The following KATNB1 variants were observed in gnomAD, a reference collection of about 807,000 sequenced individuals.
KATNB1 encodes the protein katanin p80 WD40 repeat-containing subunit B1.
Under a neutral mutation model 82.3 loss-of-function variants are expected in KATNB1, and 38 were observed. The ratio of observed to expected loss-of-function variants is 0.46; its 90% CI spans 0.36 to 0.61. The LOEUF is 0.61. Among genes scored for constraint, KATNB1 ranks in the 20% least tolerant of loss-of-function variants. KATNB1 has a pLI of 0.00. For synonymous variants in KATNB1, 361 were observed against 368.7 expected, an observed-to-expected ratio of 0.98 and a Z score of 0.24; for missense variants, 749 against 915.7, an observed-to-expected ratio of 0.82 and a Z score of 2.35.
In KATNB1 at chr16:57,753,520, G is replaced by A; in HGVS notation, c.1177+1G>A. The A allele has an allele frequency of 6.2e-7, 1 of 1,612,818 alleles. No individual in the cohort carries two copies. ...ATCTTCCAGCCCAAGAACAGCATCA[G>A]TGAGGCCGGGCTCCCGCCCCCAGCC... On this transcript the variant is annotated splice_donor_variant, in intron 12 of 19. Transcript: ENST00000379661. LOFTEE classifies it high-confidence loss of function.
In KATNB1 at chr16:57,751,430, C is replaced by A; in HGVS notation, c.432+128C>A. The A allele has an allele frequency of 9.2e-7, 1 of 1,086,754 alleles. No individual in the cohort carries two copies. Among genetic ancestry groups the A allele is most frequent in the Non-Finnish European group, 1.4e-6 (1 of 714,382 alleles). 67.3% of individuals were successfully genotyped at this position (1,086,754 alleles called of 1,614,324 possible). A position where few individuals can be genotyped will look rare whatever the true frequency, so the allele number is the denominator to read the frequency against. On this transcript the variant is annotated intron_variant, in intron 6 of 19. Transcript: ENST00000379661. The surrounding 1 kb of genome is among the most constrained non-coding windows in gnomAD (Gnocchi z 6.3). ...ATGGGTGATAACATAAAACATAGAC[C>A]TGGAGCTGAGCAGGAGCGCCATGGG...
At chr16:57,747,150 G>C (rs2049189412) in intron 4 of KATNB1, among the ~76,000 whole-genome samples, 1 of 152,170 alleles carries the variant, frequency 6.6e-6, no homozygotes, top group African/African-American at 2.4e-5. Flanking sequence ...CCAAAGTGCT[G>C]GGATTACAGG....
At chr16:57,742,248 A>T (rs1377363277) in intron 3 of KATNB1, among the ~76,000 whole-genome samples, 1 of 152,206 alleles carries the variant, frequency 6.6e-6, no homozygotes, top group Admixed American at 6.5e-5. Flanking sequence ...TCATTCCCCA[A>T]TGAGGATTTG....
In KATNB1 at chr16:57,750,881, C is replaced by T. The variant is rs782019928; in HGVS notation, c.344C>T (p.Pro115Leu). 4 of 1,614,152 alleles carry T rather than the reference C, an allele frequency of 2.5e-6. No homozygotes were observed. Among genetic ancestry groups the T allele is most frequent in the South Asian group, 1.1e-5 (1 of 91,090 alleles). The change falls in exon 5 of 20, where the codon CCG (proline) becomes CTG (leucine). Residue 115 changes from proline to leucine, a missense_variant. By Grantham distance (98) the Pro-to-Leu change is moderately conservative. Around this residue, in one of 3 missense-constraint regions of KATNB1, gnomAD observed 247 missense variants for 349.4 expected, o/e 0.71. Coordinates refer to ENST00000379661, the MANE Select transcript of KATNB1 (RefSeq NM_005886.3). ...AACATCTGCAGCCTGGATTTCCACC[C>T]GTACGGCGAGTTTGTAGCCTCTGGT... is the stretch of plus-strand genomic sequence containing the variant. Reference protein sequence around the residue: ...KANICSLDFHPYGEFVASGSQ... With the variant: ...KANICSLDFHLYGEFVASGSQ...
intron 2 of KATNB1, 80 bp from the exon 3 acceptor site, chr16:57,741,607 G>A: frequency 1.3e-6 from 2 of 1,490,566 alleles, no homozygotes; most frequent in Middle Eastern, 1.8e-4. Flanking sequence ...TCCAAAGCGG[G>A]TAGCCGAGCA....
chr16:57,755,297 T>C (rs2049267118), intron 15 of KATNB1, 48 bp from the exon 16 acceptor site: 1 of 1,610,946 alleles, frequency 6.2e-7, no homozygotes, highest in East Asian at 2.2e-5. Context: ...GGCAGAGCTT[T>C]GCTGCTGGCT....
In KATNB1 at chr16:57,751,634, C is replaced by A. The variant is rs1373795408; in HGVS notation, c.433-7C>A. The A allele has an allele frequency of 1.2e-6, 2 of 1,610,458 alleles. No individual in the cohort carries two copies. Among genetic ancestry groups the A allele is most frequent in the Non-Finnish European group, 1.7e-6 (2 of 1,179,872 alleles). ...CCAGGGTGAGCTCATGCCGTGTCCT[C>A]CCTCAGGGGCACAGCCAGGCCGTGC... On this transcript the variant is annotated splice_region_variant and splice_polypyrimidine_tract_variant and intron_variant, in intron 6 of 19. Coordinates refer to ENST00000379661, the MANE Select transcript of KATNB1 (RefSeq NM_005886.3). This position sits in a 1 kb window ranked among gnomAD's most constrained non-coding sequence, Gnocchi z 6.3.
chr16:57,740,436 A>G (rs2049133390), intron 2 of KATNB1, among the ~76,000 whole-genome samples: 1 of 152,220 alleles, frequency 6.6e-6, no homozygotes, highest in East Asian at 1.9e-4. Flanking sequence ...AGCCCGCAGC[A>G]GAGACACCCA....
chr16:57,752,189 GATT>G, intron 8 of KATNB1, 134 bp downstream of exon 8: 1 of 694,290 alleles, frequency 1.4e-6, no homozygotes, highest in East Asian at 2.7e-5. Context: ...GACTGAATTG[GATT>G]TCAGCCGAGC....
chr16:57,741,646 C>T (rs201026674), intron 2 of KATNB1, 41 bp from the exon 3 acceptor site: 96 of 1,581,118 alleles, frequency 6.1e-5, no homozygotes, highest in Admixed American at 1.4e-4. Context: ...AAGGCCCCAT[C>T]GGGCCGCCCT....
intron 4 of KATNB1, among the ~76,000 whole-genome samples, chr16:57,749,744 A>C (rs2049210935): frequency 6.6e-6 from 1 of 152,226 alleles, no homozygotes; most frequent in African/African-American, 2.4e-5. Flanking sequence ...GCTCCTGGCC[A>C]TGGAGATGCC....
intron 14 of KATNB1, 30 bp from the exon 15 acceptor site, chr16:57,755,089 G>T (rs782038480): frequency 4.3e-6 from 7 of 1,612,838 alleles, no homozygotes; most frequent in Non-Finnish European, 5.9e-6. Context: ...GAGGCCCCAG[G>T]CCGGCAACCG....
chr16:57,741,145 G>A (rs2049138931), intron 2 of KATNB1, among the ~76,000 whole-genome samples: 1 of 152,212 alleles, frequency 6.6e-6, no homozygotes, highest in South Asian at 2.1e-4. Context: ...GCTTACCTGG[G>A]GGCAGCTTGT....
chr16:57,752,262 T>C, intron 8 of KATNB1: 1 of 631,718 alleles, frequency 1.6e-6, no homozygotes, highest in Non-Finnish European at 2.8e-6. Context: ...GTGTCCCAGG[T>C]CTGTGGCTTC....
At chr16:57,737,697 G>C (rs2049111242) in intron 2 of KATNB1, among the ~76,000 whole-genome samples, 1 of 152,162 alleles carries the variant, frequency 6.6e-6, no homozygotes, top group African/African-American at 2.4e-5. Flanking sequence ...TCTTGGGCCT[G>C]GGATGGGGGA....
intron 2 of KATNB1, 75 bp downstream of exon 2, chr16:57,737,358 A>G: frequency 6.5e-7 from 1 of 1,547,496 alleles, no homozygotes; most frequent in Non-Finnish European, 8.9e-7. Context: ...CTGAACCCAC[A>G]GCTTTGTTTC....
chr16:57,751,283 G>C lies in KATNB1; in HGVS notation c.413G>C (p.Gly138Ala), dbSNP rs782685632. Residue 138 changes from glycine (G) to alanine (A), a missense_variant, in exon 6 of 20, where the codon GGC (glycine) becomes GCC (alanine). Around this residue, in one of 3 missense-constraint regions of KATNB1, gnomAD observed 247 missense variants for 349.4 expected, o/e 0.71. Transcript: ENST00000379661. This position sits in a 1 kb window ranked among gnomAD's most constrained non-coding sequence, Gnocchi z 6.3. ...NIKLWDIRRK[G>A]CVFRYRGHSQ... is the part of the protein sequence containing the mutation. ...CAGCTCTGGGACATCAGGAGGAAAG[G>C]CTGTGTCTTCCGATACAGGGTAAGG... 1 of 1,613,986 alleles carries C rather than the reference G, an allele frequency of 6.2e-7. No individual in the cohort carries two copies. Among genetic ancestry groups the C allele is most frequent in the Non-Finnish European group, 8.5e-7 (1 of 1,179,930 alleles).
In KATNB1 at chr16:57,752,852, A is replaced by C; in HGVS notation, c.779A>C (p.Glu260Ala). The change falls in exon 10 of 20, where the codon GAA (glutamate) becomes GCA (alanine). Residue 260 changes from glutamate to alanine, a missense_variant. Around this residue, in one of 3 missense-constraint regions of KATNB1, gnomAD observed 407 missense variants for 434.7 expected, o/e 0.94. Coordinates refer to ENST00000379661, the MANE Select transcript of KATNB1 (RefSeq NM_005886.3). ...GACTCACTGCGTGTCTACGGCTGGG[A>C]ACCTGAGCGGTGCTTTGATGTGGTC... is the stretch of plus-strand genomic sequence containing the variant. The part of the protein sequence containing the change: ...CQDSLRVYGW[E>A]PERCFDVVLV... 6.2e-7 allele frequency: 1 copy of C among 1,609,782 alleles called. No homozygotes were observed. Among genetic ancestry groups the C allele is most frequent in the Non-Finnish European group, 8.5e-7 (1 of 1,179,786 alleles).
intron 15 of KATNB1, 32 bp downstream of exon 15, chr16:57,755,270 G>A (rs782577336): frequency 3.7e-6 from 6 of 1,610,484 alleles, no homozygotes; most frequent in Non-Finnish European, 5.1e-6. Flanking sequence ...GGCATGGGTG[G>A]AGGTCTGTGG....
Sources: allele counts gnomAD v4.1 joint callset (sites outside exome capture counted in the v4.1 genomes callset), GRCh38; gene constraint gnomAD v4.1.1; regional missense constraint gnomAD v4.1.1; non-coding constraint Gnocchi (gnomAD v3.1); transcripts MANE v1.5; gene names NCBI Gene and HGNC (gene_info 2026-07-23, HGNC 2026-07-21).